The following DNAJC25 variants were observed in gnomAD, a reference collection of about 807,000 sequenced individuals.
The protein encoded by DNAJC25 is DnaJ heat shock protein family (Hsp40) member C25.
In DNAJC25, 26 loss-of-function variants were observed where a neutral mutation model predicts 42.1. That is an observed-to-expected ratio of 0.62 (90% CI 0.45 to 0.86). DNAJC25 has a LOEUF of 0.86. DNAJC25 is among the 40% of genes least tolerant of loss of function. The probability of loss-of-function intolerance (pLI) is 0.00; values close to 1 mark genes in which losing one functional copy is unlikely to be tolerated. For synonymous variants in DNAJC25, 189 were observed against 179.9 expected (o/e 1.05, Z -0.40); for missense variants, 404 against 459.4 (o/e 0.88, Z 1.10).
intron 1 of DNAJC25, among the ~76,000 whole-genome samples, chr9:111,633,602 C>T (rs1359311607): frequency 1.3e-5 from 2 of 152,156 alleles, no homozygotes; most frequent in African/African-American, 4.8e-5. Context: ...ACACTGCCAG[C>T]TGTTGCCTTC....
At chr9:111,650,838 T>G (rs1395144402) in intron 3 of DNAJC25, among the ~76,000 whole-genome samples, 1 of 152,184 alleles carries the variant, frequency 6.6e-6, no homozygotes, top group Non-Finnish European at 1.5e-5. Context: ...TTTTTTTAGT[T>G]TCATAGTCAT....
At chr9:111,637,427 T>C (rs1830380477) in intron 1 of DNAJC25, among the ~76,000 whole-genome samples, 1 of 152,212 alleles carries the variant, frequency 6.6e-6, no homozygotes, top group Non-Finnish European at 1.5e-5. Flanking sequence ...GGCAAAAAGG[T>C]ATTCTTGACT....
At chr9:111,652,549 T>C (rs577421051) in intron 3 of DNAJC25, among the ~76,000 whole-genome samples, 23 of 151,146 alleles carry the variant, frequency 1.5e-4, no homozygotes, top group Middle Eastern at 3.4e-3. Context: ...AGTTCTTTTT[T>C]TTTAAATTTG....
intron 3 of DNAJC25, among the ~76,000 whole-genome samples, chr9:111,651,368 A>T (rs76958426): frequency 0.01 from 1,543 of 152,162 alleles, 36 homozygotes; most frequent in African/African-American, 0.035. Flanking sequence ...CTTTTTTAAA[A>T]GTTTAAAAGT....
At chr9:111,647,053 C>G (rs1030523745) in intron 1 of DNAJC25, 54 bp from the exon 2 acceptor site, 2 of 1,529,284 alleles carry the variant, frequency 1.3e-6, no homozygotes, top group African/African-American at 2.8e-5. Context: ...AGATTATAAA[C>G]TAAGGCCATT....
At chr9:111,633,348 T>C (rs1830316389) in intron 1 of DNAJC25, among the ~76,000 whole-genome samples, 1 of 152,156 alleles carries the variant, frequency 6.6e-6, no homozygotes, top group Non-Finnish European at 1.5e-5. Flanking sequence ...AGGAATGCAG[T>C]AGTTGTTAGG....
chr9:111,642,782 G>A (rs1310911279), intron 1 of DNAJC25: 5 of 465,326 alleles, frequency 1.1e-5, no homozygotes, highest in African/African-American at 8.0e-5. Flanking sequence ...TTTAAGAGAA[G>A]GAAGGATTCA....
chr9:111,635,916 T>TA (rs1830355348), intron 1 of DNAJC25, among the ~76,000 whole-genome samples: 1 of 152,214 alleles, frequency 6.6e-6, no homozygotes, highest in African/African-American at 2.4e-5. Context: ...CCTGCCCTGT[T>TA]ACGTTTCTGT....
chr9:111,649,998 A>C (rs966328644), intron 3 of DNAJC25, 75 bp downstream of exon 3: 1 of 1,322,020 alleles, frequency 7.6e-7, no homozygotes, highest in Non-Finnish European at 1.0e-6. Flanking sequence ...ATAATGAGGG[A>C]TCACAGAAGT....
At chr9:111,635,648 G>C (rs1398787874) in intron 1 of DNAJC25, among the ~76,000 whole-genome samples, 1 of 152,136 alleles carries the variant, frequency 6.6e-6, no homozygotes, top group Non-Finnish European at 1.5e-5. Flanking sequence ...ACTATGATTG[G>C]TAAAAAATGC....
In DNAJC25 at chr9:111,648,264, G is replaced by GT. The variant is rs140488738; in HGVS notation, c.489+1019dup. ...CAGTTTCATTCCCAGAAACGATTCA[G>GT]TTTTTTTTTTTTTTAGAGATGGAGT... is the stretch of plus-strand genomic sequence containing the variant. On this transcript the variant is annotated intron_variant, in intron 2 of 3. Coordinates refer to ENST00000313525, the MANE Select transcript of DNAJC25 (RefSeq NM_001015882.3). Among the ~76,000 whole-genome samples, 986 of 145,678 alleles carry GT rather than the reference G, an allele frequency of 6.8e-3. 4 individuals are homozygous for GT. Among genetic ancestry groups the GT allele is most frequent in the African/African-American group, 0.011 (450 of 39,748 alleles).
At chr9:111,637,056 T>C (rs1472969923) in intron 1 of DNAJC25, among the ~76,000 whole-genome samples, 2 of 152,210 alleles carry the variant, frequency 1.3e-5, no homozygotes, top group Non-Finnish European at 2.9e-5. Context: ...TGACTTGATA[T>C]AATACTAGCC....
chr9:111,632,770 T>C (rs1426492598), intron 1 of DNAJC25, among the ~76,000 whole-genome samples: 1 of 152,088 alleles, frequency 6.6e-6, no homozygotes. Flanking sequence ...GTGGATATAA[T>C]TTTACCTTGG....
chr9:111,652,436 A>T (rs1830675547), intron 3 of DNAJC25, among the ~76,000 whole-genome samples: 1 of 148,818 alleles, frequency 6.7e-6, no homozygotes, highest in Admixed American at 6.7e-5. Flanking sequence ...AATTGCTTGA[A>T]TCCAGGAGGC....
chr9:111,640,418 G>T (rs1281960310), intron 1 of DNAJC25, among the ~76,000 whole-genome samples: 7 of 121,012 alleles, frequency 5.8e-5, no homozygotes, highest in Non-Finnish European at 1.2e-4. Flanking sequence ...CCCTCTGCCC[G>T]GCTGCCCAGT....
At chr9:111,639,582 A>G (rs1830413045) in intron 1 of DNAJC25, among the ~76,000 whole-genome samples, 1 of 151,918 alleles carries the variant, frequency 6.6e-6, no homozygotes, top group South Asian at 2.1e-4. Flanking sequence ...AAAAAATGAA[A>G]TGGGTAGCAG....
intron 1 of DNAJC25, among the ~76,000 whole-genome samples, chr9:111,640,980 G>T (rs1309509079): frequency 9.9e-6 from 1 of 101,042 alleles, no homozygotes. Context: ...CTGGCCAGCC[G>T]TGCCGTCCGG....
intron 1 of DNAJC25, among the ~76,000 whole-genome samples, chr9:111,645,250 T>A (rs888437405): frequency 1.0e-4 from 15 of 143,562 alleles, no homozygotes; most frequent in Non-Finnish European, 6.0e-5. Flanking sequence ...TCACACAGAT[T>A]CAAAATTTTT....
chr9:111,641,874 G>A (rs1830477402), intron 1 of DNAJC25, among the ~76,000 whole-genome samples: 1 of 140,340 alleles, frequency 7.1e-6, no homozygotes, highest in Non-Finnish European at 1.6e-5. Context: ...CTGCCCGGCC[G>A]CCCCTACTGG....
Sources: gnomAD v4.1 joint callset for allele counts (sites outside exome capture counted in the v4.1 genomes callset) on GRCh38, gnomAD v4.1.1 for gene constraint, MANE v1.5 for transcripts, NCBI Gene and HGNC (gene_info 2026-07-23, HGNC 2026-07-21) for gene names.